Variants in NOL4L observed in about 807,000 individuals in gnomAD.
The protein encoded by NOL4L is nucleolar protein 4-like.
NOL4L carries 7 observed loss-of-function variants against 64.5 expected under a neutral mutation model. The observed-to-expected ratio is 0.11, with a 90% CI of 0.06 to 0.20. NOL4L has a LOEUF of 0.20. NOL4L is among the 10% of genes least tolerant of loss of function. The probability of loss-of-function intolerance (pLI) is 1.00; values close to 1 mark genes in which losing one functional copy is unlikely to be tolerated. For synonymous variants in NOL4L, 413 were observed against 401.0 expected (o/e 1.03, Z -0.36); for missense variants, 680 against 967.1 (o/e 0.70, Z 3.94).
At chr20:32,475,459 G>T in intron 4 of NOL4L, 2 of 419,438 alleles carry the variant, frequency 4.8e-6, no homozygotes, top group Non-Finnish European at 6.4e-6. Context: ...CAGCCGGATG[G>T]CCTGCTAGAG....
intron 9 of NOL4L, 22 bp from the exon 10 acceptor site, chr20:32,452,459 G>A (rs778204145): frequency 1.9e-6 from 3 of 1,538,718 alleles, no homozygotes; most frequent in African/African-American, 1.4e-5. Flanking sequence ...AGAGGGGGGC[G>A]CTGGGGAAAC....
intron 1 of NOL4L, among the ~76,000 whole-genome samples, chr20:32,552,442 T>C (rs1245528846): frequency 6.6e-6 from 1 of 152,110 alleles, no homozygotes; most frequent in Admixed American, 6.5e-5. Context: ...ATCCCAACAC[T>C]TTGGGAGGCC....
At chr20:32,485,411 C>G (rs1479477385) in intron 4 of NOL4L, 3 of 210,886 alleles carry the variant, frequency 1.4e-5, no homozygotes, top group Non-Finnish European at 3.0e-5. Flanking sequence ...AGCGTTTACC[C>G]GTCAGAAAAA....
chr20:32,575,240 A>T (rs1980019937), intron 1 of NOL4L, among the ~76,000 whole-genome samples: 1 of 151,864 alleles, frequency 6.6e-6, no homozygotes, highest in African/African-American at 2.4e-5. Context: ...CAATCTTGCC[A>T]GCTCACCCCT....
intron 4 of NOL4L, among the ~76,000 whole-genome samples, chr20:32,486,252 A>C (rs1381018245): frequency 1.3e-5 from 2 of 152,082 alleles, no homozygotes; most frequent in Non-Finnish European, 2.9e-5. Context: ...CCCACTCCTT[A>C]AAGTGGCCAC....
At chr20:32,469,324 T>C (rs532256235) in intron 5 of NOL4L, among the ~76,000 whole-genome samples, 63 of 152,192 alleles carry the variant, frequency 4.1e-4, no homozygotes, top group African/African-American at 1.4e-3. Context: ...CCAGACATCA[T>C]TATTTTTCAT....
At chr20:32,576,895 C>T (rs1011160958) in intron 1 of NOL4L, among the ~76,000 whole-genome samples, 1 of 152,150 alleles carries the variant, frequency 6.6e-6, no homozygotes, top group African/African-American at 2.4e-5. Flanking sequence ...TCACTAAAGG[C>T]GAGAGGGCAC....
intron 1 of NOL4L, among the ~76,000 whole-genome samples, chr20:32,544,373 T>G (rs1176170219): frequency 6.6e-6 from 1 of 151,772 alleles, no homozygotes; most frequent in East Asian, 1.9e-4. Context: ...TGAGGGGCTG[T>G]GTGCAGCTGG....
At chr20:32,478,406 T>C (rs952241958) in intron 4 of NOL4L, among the ~76,000 whole-genome samples, 12 of 152,158 alleles carry the variant, frequency 7.9e-5, no homozygotes, top group Non-Finnish European at 1.6e-4. Flanking sequence ...CACCAGGCCT[T>C]GTTAGCTAGG....
At position 32,446,067 on chromosome 20, in the gene NOL4L, A is replaced by C. The variant is rs2012316665; in HGVS notation, c.*1529T>G. The C allele has an allele frequency of 6.6e-6, 1 of 152,292 alleles. No homozygotes were observed. The highest frequency in any genetic ancestry group is 1.5e-5 in the Non-Finnish European group (1 of 68,142). 9.4% of individuals were successfully genotyped at this position (152,292 alleles called of 1,614,324 possible). ...CTCTCTGCTCTGAGGGAGGAAAGGCAACAGAGGGCTTCTGCCAGCTCTGGG... is the reference window on the plus strand; with the variant it reads ...CTCTCTGCTCTGAGGGAGGAAAGGCCACAGAGGGCTTCTGCCAGCTCTGGG... On this transcript the variant is annotated 3_prime_UTR_variant, in exon 11 of 11. Coordinates refer to ENST00000621426, the MANE Select transcript of NOL4L (RefSeq NM_001256798.2).
chr20:32,537,780 C>CT (rs5841107), intron 1 of NOL4L, among the ~76,000 whole-genome samples: 1,451 of 143,322 alleles, frequency 0.01, 18 homozygotes, highest in African/African-American at 0.017. Flanking sequence ...ACCCGCGTTT[C>CT]TTTTTTTTTT....
intron 5 of NOL4L, among the ~76,000 whole-genome samples, chr20:32,461,122 C>G (rs1737891): frequency 2.6e-5 from 4 of 152,248 alleles, no homozygotes; most frequent in African/African-American, 9.6e-5. Flanking sequence ...GCCTGTCCCT[C>G]GGCCCCACAA....
intron 5 of NOL4L, among the ~76,000 whole-genome samples, chr20:32,457,751 C>T (rs996410253): frequency 1.2e-4 from 18 of 152,316 alleles, no homozygotes; most frequent in African/African-American, 1.9e-4. Flanking sequence ...CCACCACTCC[C>T]TCCATCCTCC....
chr20:32,553,045 C>A (rs1263506181), intron 1 of NOL4L, among the ~76,000 whole-genome samples: 1 of 152,160 alleles, frequency 6.6e-6, no homozygotes, highest in East Asian at 1.9e-4. Context: ...TTACAGTGTG[C>A]CAAGCCTGCT....
chr20:32,507,405 A>G lies in NOL4L; in HGVS notation c.699+3942T>C, dbSNP rs185787560. Among the ~76,000 whole-genome samples, 4 of 152,308 alleles carry G rather than the reference A, an allele frequency of 2.6e-5. No homozygotes were observed. The East Asian group carries it at 7.7e-4, about 29-fold the overall frequency. On this transcript the variant is annotated intron_variant, in intron 4 of 10. Coordinates refer to ENST00000621426, the MANE Select transcript of NOL4L (RefSeq NM_001256798.2). Reference sequence around the variant, plus strand: ...CTATAAATATTGGGTGCACTGAACCAGACTTCAAGAAGAATCTTTCTTCTT... The same window carrying G: ...CTATAAATATTGGGTGCACTGAACCGGACTTCAAGAAGAATCTTTCTTCTT...
Position 32,447,556 on chromosome 20 carries a change from C to A in NOL4L, c.*40G>T. 1.3e-6 allele frequency: 2 copies of A among 1,547,986 alleles called. No homozygotes were observed. Among genetic ancestry groups the A allele is most frequent in the Admixed American group, 1.9e-5 (1 of 53,826 alleles). ...GGAAGCCAGGTCCAGGCTGGGACAG[C>A]CTCCTTCCCTAGGGCAGTGCGCTCC... On this transcript the variant is annotated 3_prime_UTR_variant, in exon 11 of 11. Transcript: ENST00000621426.
intron 1 of NOL4L, among the ~76,000 whole-genome samples, chr20:32,529,142 G>T (rs941244755): frequency 6.6e-6 from 1 of 152,172 alleles, no homozygotes; most frequent in Non-Finnish European, 1.5e-5. Context: ...ACTCTGCCAT[G>T]GTTTGAATAC....
intron 1 of NOL4L, among the ~76,000 whole-genome samples, chr20:32,578,111 G>A (rs1980229905): frequency 1.2e-5 from 1 of 86,676 alleles, no homozygotes; most frequent in African/African-American, 6.1e-5. Flanking sequence ...AAGAGAGAAA[G>A]GAAGGAAGGA....
intron 2 of NOL4L, among the ~76,000 whole-genome samples, chr20:32,523,751 C>A (rs1297837554): frequency 2.6e-5 from 4 of 152,186 alleles, no homozygotes; most frequent in Non-Finnish European, 5.9e-5. Context: ...CTGCCTTGCT[C>A]CCCGGGCCTC....
Sources: allele counts gnomAD v4.1 joint callset (sites outside exome capture counted in the v4.1 genomes callset), GRCh38; gene constraint gnomAD v4.1.1; transcripts MANE v1.5; gene names NCBI Gene and HGNC (gene_info 2026-07-23, HGNC 2026-07-21).